Variants in ABI1 observed in about 807,000 individuals in gnomAD.
ABI1 encodes the protein Abelson interactor 1.
In ABI1, 14 loss-of-function variants were observed where a neutral mutation model predicts 54.6. That is an observed-to-expected ratio of 0.26 (90% CI 0.17 to 0.40). ABI1 has a LOEUF of 0.40. Among genes scored for constraint, ABI1 ranks in the 10% least tolerant of loss-of-function variants. The pLI is 1.00. For missense variants in ABI1, 443 were observed against 598.3 expected (o/e 0.74, Z 2.71); for synonymous variants, 194 against 209.3 (o/e 0.93, Z 0.63).
At chr10:26,838,686 G>A (rs1361252403) in intron 1 of ABI1, among the ~76,000 whole-genome samples, 4 of 151,998 alleles carry the variant, frequency 2.6e-5, no homozygotes, top group African/African-American at 9.7e-5. Context: ...GAAATCAGAG[G>A]CCACAAAAAA....
chr10:26,819,480 G>T (rs1175175517), intron 2 of ABI1, among the ~76,000 whole-genome samples: 1 of 152,148 alleles, frequency 6.6e-6, no homozygotes, highest in Admixed American at 6.5e-5. Context: ...CAGAATTATA[G>T]TTGGAGATTT....
chr10:26,758,433 G>A (rs1433035092), intron 8 of ABI1, among the ~76,000 whole-genome samples: 2 of 152,024 alleles, frequency 1.3e-5, no homozygotes, highest in Non-Finnish European at 2.9e-5. Context: ...AACATTATAT[G>A]CTAAAACTAT....
chr10:26,825,494 C>T (rs951975279), intron 1 of ABI1, among the ~76,000 whole-genome samples: 2 of 152,054 alleles, frequency 1.3e-5, no homozygotes, highest in Admixed American at 6.6e-5. Flanking sequence ...AACCCTGTCT[C>T]TACTAAAAAT....
rs117176167 is a variant in ABI1, at chr10:26,808,366, T to A, written c.285+14772A>T. Among the ~76,000 whole-genome samples, 546 of 152,250 alleles carry A rather than the reference T, an allele frequency of 3.6e-3. 5 individuals carry two copies. Among genetic ancestry groups the A allele is most frequent in the East Asian group, 0.03 (155 of 5,184 alleles). ...TTCTCTATCCTAAAAATAAATAATA[T>A]TCTGACCCCATAAGGGTGATGGTTC... On this transcript the variant is annotated intron_variant, in intron 2 of 10. Coordinates refer to ENST00000376140, the MANE Select transcript of ABI1 (RefSeq NM_001012750.3).
intron 7 of ABI1, chr10:26,763,823 G>A: frequency 1.4e-6 from 2 of 1,471,738 alleles, no homozygotes; most frequent in Admixed American, 3.4e-5. Context: ...GCACAGAGGA[G>A]TTTATTATGA....
chr10:26,763,966 A>T, intron 7 of ABI1: 1 of 1,606,412 alleles, frequency 6.2e-7, no homozygotes, highest in African/African-American at 1.3e-5. Flanking sequence ...GTTTTCTAAT[A>T]AAATAGTTTA....
intron 1 of ABI1, among the ~76,000 whole-genome samples, chr10:26,831,971 A>C (rs527987745): frequency 6.6e-6 from 1 of 152,332 alleles, no homozygotes; most frequent in African/African-American, 2.4e-5. Context: ...TGATTTTACC[A>C]GAAGATGTCA....
chr10:26,831,626 A>G (rs1161105750), intron 1 of ABI1, among the ~76,000 whole-genome samples: 1 of 152,214 alleles, frequency 6.6e-6, no homozygotes, highest in Non-Finnish European at 1.5e-5. Flanking sequence ...ATAGCTGTTA[A>G]CAGTCATATT....
At position 26,770,260 on chromosome 10, in the gene ABI1, C is replaced by A; in HGVS notation, c.563G>T (p.Gly188Val). The A allele has an allele frequency of 6.2e-7, 1 of 1,613,870 alleles. No individual in the cohort carries two copies. Residue 188 changes from glycine (G) to valine (V), a missense_variant, in exon 5 of 11, where the codon GGC becomes GTC. Gly to Val is a moderately radical substitution (Grantham distance 109). Coordinates refer to ENST00000376140, the MANE Select transcript of ABI1 (RefSeq NM_001012750.3). Reference protein sequence around the residue: ...TQKPPSPPMSGRGTLGRNTPY... With the variant: ...TQKPPSPPMSVRGTLGRNTPY... ...GAATTCTTACCCCAGTGTTCCCCGG[C>A]CTGACATGGGAGGACTTGGCGGTTT...
intron 1 of ABI1, among the ~76,000 whole-genome samples, chr10:26,827,208 C>T (rs758071662): frequency 4.6e-4 from 70 of 151,454 alleles, no homozygotes; most frequent in Admixed American, 2.4e-3. Context: ...CCACCGTGCC[C>T]GGCCTGGTTT....
intron 7 of ABI1, chr10:26,763,987 C>A: frequency 1.3e-6 from 2 of 1,566,062 alleles, no homozygotes; most frequent in South Asian, 2.3e-5. Context: ...TAATTCAGGT[C>A]AGAGTACAAG....
At chr10:26,770,679 C>A in intron 4 of ABI1, 1 of 550,994 alleles carries the variant, frequency 1.8e-6, no homozygotes, top group Non-Finnish European at 3.3e-6. Flanking sequence ...TGCATGAACA[C>A]AAACTATAGA....
At chr10:26,757,311 C>T (rs1297048359) in intron 8 of ABI1, among the ~76,000 whole-genome samples, 1 of 151,918 alleles carries the variant, frequency 6.6e-6, no homozygotes, top group Non-Finnish European at 1.5e-5. Flanking sequence ...ATTTGCTTTC[C>T]AATATTCAAA....
chr10:26,757,933 T>TG (rs1213329071), intron 8 of ABI1, among the ~76,000 whole-genome samples: 1 of 151,792 alleles, frequency 6.6e-6, no homozygotes, highest in Non-Finnish European at 1.5e-5. Flanking sequence ...CTAGGTGTAG[T>TG]GGCAGGCGCC....
At chr10:26,859,295 G>GTTAC (rs963147849) in intron 1 of ABI1, among the ~76,000 whole-genome samples, 4 of 151,866 alleles carry the variant, frequency 2.6e-5, no homozygotes, top group Non-Finnish European at 5.9e-5. Flanking sequence ...AAGATACAAT[G>GTTAC]TTACTAACAT....
intron 9 of ABI1, among the ~76,000 whole-genome samples, chr10:26,754,373 T>A (rs1296124319): frequency 1.3e-5 from 2 of 152,200 alleles, no homozygotes; most frequent in Admixed American, 6.6e-5. Flanking sequence ...ATTATTCATA[T>A]CTTTTTAAAT....
chr10:26,844,029 C>T (rs1205717045), intron 1 of ABI1, among the ~76,000 whole-genome samples: 3 of 152,158 alleles, frequency 2.0e-5, no homozygotes, highest in Non-Finnish European at 4.4e-5. Context: ...ATTTAAAACA[C>T]GGTTTCTATT....
chr10:26,851,378 A>T (rs2050380292), intron 1 of ABI1, among the ~76,000 whole-genome samples: 1 of 69,816 alleles, frequency 1.4e-5, no homozygotes. Context: ...TTTTTTTGAG[A>T]CAGGGTCTTG....
intron 1 of ABI1, among the ~76,000 whole-genome samples, chr10:26,833,018 A>T (rs1323215854): frequency 1.3e-5 from 2 of 152,074 alleles, no homozygotes; most frequent in African/African-American, 4.8e-5. Flanking sequence ...AGTATCCAGC[A>T]AAAAAAATAA....
Sources: gnomAD v4.1 joint callset for allele counts (sites outside exome capture counted in the v4.1 genomes callset) on GRCh38, gnomAD v4.1.1 for gene constraint, MANE v1.5 for transcripts, NCBI Gene and HGNC (gene_info 2026-07-23, HGNC 2026-07-21) for gene names.